The following ADARB2 variants were observed in gnomAD, a reference collection of about 807,000 sequenced individuals.
ADARB2 encodes the protein adenosine deaminase RNA specific B2 (inactive).
ADARB2 carries 25 observed loss-of-function variants against 62.2 expected under a neutral mutation model. The ratio of observed to expected loss-of-function variants is 0.40; its 90% confidence interval spans 0.29 to 0.56. The LOEUF (loss-of-function observed/expected upper bound fraction) is 0.56, where lower values mean the gene tolerates loss of function less well. Among genes scored for constraint, ADARB2 ranks in the 20% least tolerant of loss-of-function variants. ADARB2 has a pLI of 0.43. For synonymous variants in ADARB2, 572 were observed against 500.8 expected (o/e 1.14, Z -1.90); for missense variants, 1,071 against 1,077.4 (o/e 0.99, Z 0.08).
At chr10:1,512,163 C>T (rs1454356808) in intron 1 of ADARB2, among the ~76,000 whole-genome samples, 1 of 152,046 alleles carries the variant, frequency 6.6e-6, no homozygotes, top group East Asian at 1.9e-4. Context: ...ACACTAGATA[C>T]CAAGACTTTG....
At chr10:1,675,654 A>G (rs900510792) in intron 1 of ADARB2, among the ~76,000 whole-genome samples, 12 of 151,316 alleles carry the variant, frequency 7.9e-5, no homozygotes, top group Non-Finnish European at 1.3e-4. Flanking sequence ...GGATGCGTGA[A>G]TGTTCTGGAG....
chr10:1,570,399 C>T (rs1040676834), intron 1 of ADARB2, among the ~76,000 whole-genome samples: 1 of 152,140 alleles, frequency 6.6e-6, no homozygotes, highest in Non-Finnish European at 1.5e-5. Context: ...CCTGCACCTG[C>T]GAGGTGCTGG....
At chr10:1,330,783 A>G (rs1213343728) in intron 3 of ADARB2, among the ~76,000 whole-genome samples, 1 of 152,380 alleles carries the variant, frequency 6.6e-6, no homozygotes. Flanking sequence ...TTGGTACTTT[A>G]AAGGACACCA....
chr10:1,708,973 A>C (rs1834922106), intron 1 of ADARB2, among the ~76,000 whole-genome samples: 1 of 152,192 alleles, frequency 6.6e-6, no homozygotes, highest in Admixed American at 6.5e-5. Flanking sequence ...AGGTAAGGAA[A>C]GGAGGAGGCC....
At position 1,182,894 on chromosome 10, in the gene ADARB2, C is replaced by T. The variant is rs1836697325; in HGVS notation, c.*299G>A. The T allele has an allele frequency of 6.2e-6, 2 of 323,266 alleles. No individual in the cohort carries two copies. Among genetic ancestry groups the T allele is most frequent in the African/African-American group, 2.1e-5 (1 of 46,876 alleles). The allele number at this position is 323,266 out of a possible 1,614,324, so 20.0% of individuals were successfully genotyped here. ...GTGTCGGTGCCTCCTTCCAAGGCTG[C>T]AGCTAAAACCCCTTTGCCTGAATGG... On this transcript the variant is annotated 3_prime_UTR_variant, in exon 10 of 10. Transcript: ENST00000381312.
At chr10:1,707,566 G>C (rs368081802) in intron 1 of ADARB2, among the ~76,000 whole-genome samples, 2 of 152,138 alleles carry the variant, frequency 1.3e-5, no homozygotes, top group Admixed American at 1.3e-4. Context: ...AATCGATCCC[G>C]TGGCCTGGTC....
chr10:1,649,255 T>A (rs987033601), intron 1 of ADARB2, among the ~76,000 whole-genome samples: 7 of 152,236 alleles, frequency 4.6e-5, no homozygotes, highest in Non-Finnish European at 1.0e-4. Flanking sequence ...CTTAGTCATG[T>A]ACTTGTACTT....
Position 1,336,380 on chromosome 10 carries a change from C to T in ADARB2, c.1077+26648G>A, listed in dbSNP as rs183381046. Among the ~76,000 whole-genome samples the T allele has an allele frequency of 4.6e-5, 7 of 152,276 alleles. No homozygotes were observed. In the East Asian group the frequency reaches 9.6e-4, roughly 21 times the overall value. ...TTGTTTCCTCAGTGTCTTAAATACC[C>T]GGTTCCTAATCAATGCTTTAGGCAT... On this transcript the variant is annotated intron_variant, in intron 3 of 9. Transcript: ENST00000381312.
At chr10:1,208,495 G>T (rs181907602) in intron 7 of ADARB2, among the ~76,000 whole-genome samples, 5 of 152,322 alleles carry the variant, frequency 3.3e-5, no homozygotes, top group Admixed American at 3.3e-4. Flanking sequence ...CGGGCCCCAT[G>T]CTGGGCTCTG....
At chr10:1,632,991 G>T (rs1204074918) in intron 1 of ADARB2, among the ~76,000 whole-genome samples, 2 of 152,182 alleles carry the variant, frequency 1.3e-5, no homozygotes, top group African/African-American at 4.8e-5. Flanking sequence ...GGGCCAAATG[G>T]AATGGAAGCT....
At chr10:1,400,510 A>G (rs1016500810) in intron 1 of ADARB2, among the ~76,000 whole-genome samples, 6 of 152,134 alleles carry the variant, frequency 3.9e-5, no homozygotes, top group East Asian at 3.9e-4. Context: ...TGCCCTGAAA[A>G]TCAATCTGCA....
chr10:1,727,917 G>A (rs1430529089), intron 1 of ADARB2, among the ~76,000 whole-genome samples: 1 of 152,194 alleles, frequency 6.6e-6, no homozygotes, highest in Non-Finnish European at 1.5e-5. Context: ...GCCCAATACA[G>A]TTTTTGTCTA....
chr10:1,365,427 C>T (rs753830067), intron 2 of ADARB2, among the ~76,000 whole-genome samples: 6 of 152,158 alleles, frequency 3.9e-5, no homozygotes, highest in Non-Finnish European at 7.3e-5. Context: ...CTGAATAACC[C>T]TGCAGTTGCC....
chr10:1,323,623 G>A (rs1831817531), intron 3 of ADARB2, among the ~76,000 whole-genome samples: 1 of 152,114 alleles, frequency 6.6e-6, no homozygotes, highest in Admixed American at 6.5e-5. Context: ...TGGATGGACG[G>A]ATGCATGGGT....
rs118120247 is a variant in ADARB2, at chr10:1,452,965, G to A, written c.101-73805C>T. ...CATCCTGGTGGGCCGCGCAGAGCCT[G>A]GGCCTCAGTGGGGTTGGGCCGGGCC... On this transcript the variant is annotated intron_variant, in intron 1 of 9. Coordinates refer to ENST00000381312, the MANE Select transcript of ADARB2 (RefSeq NM_018702.4). Among the ~76,000 whole-genome samples, 1,326 of 152,302 alleles carry A rather than the reference G, an allele frequency of 8.7e-3. 9 individuals carry two copies. The highest frequency in any genetic ancestry group is 0.015 in the Non-Finnish European group (1,011 of 68,028).
intron 8 of ADARB2, among the ~76,000 whole-genome samples, chr10:1,194,025 A>T (rs1440476514): frequency 6.6e-6 from 1 of 152,132 alleles, no homozygotes; most frequent in African/African-American, 2.4e-5. Flanking sequence ...CTGTTCCATT[A>T]CTTTTTCTGG....
At chr10:1,382,151 A>C (rs1002189238) in intron 1 of ADARB2, among the ~76,000 whole-genome samples, 1 of 139,376 alleles carries the variant, frequency 7.2e-6, no homozygotes, top group African/African-American at 2.5e-5. Context: ...ATTAAAATAA[A>C]TATGGAAAAA....
chr10:1,708,638 A>G (rs543855179), intron 1 of ADARB2, among the ~76,000 whole-genome samples: 23 of 152,274 alleles, frequency 1.5e-4, no homozygotes, highest in African/African-American at 5.5e-4. Context: ...GGAGACATTC[A>G]GGTTCAAGTC....
chr10:1,513,031 G>C (rs1831957863), intron 1 of ADARB2, among the ~76,000 whole-genome samples: 1 of 152,184 alleles, frequency 6.6e-6, no homozygotes, highest in Admixed American at 6.5e-5. Context: ...TGATGACATT[G>C]CATACTGAAA....
Sources: allele counts gnomAD v4.1 joint callset (sites outside exome capture counted in the v4.1 genomes callset), GRCh38; gene constraint gnomAD v4.1.1; transcripts MANE v1.5; gene names NCBI Gene and HGNC (gene_info 2026-07-23, HGNC 2026-07-21).